Variants in KCNN2 observed in about 807,000 individuals in gnomAD.
KCNN2 encodes small conductance calcium-activated potassium channel protein 2.
KCNN2 carries 24 observed loss-of-function variants against 55.5 expected under a neutral mutation model. The ratio of observed to expected loss-of-function variants is 0.43; its 90% CI spans 0.31 to 0.61. The LOEUF is 0.61. Ranked by LOEUF, KCNN2 falls within the 20% of genes least tolerant of loss-of-function variation. The pLI, the probability that KCNN2 is intolerant of heterozygous loss-of-function variation, is 0.08. For synonymous variants in KCNN2, 431 were observed against 336.1 expected (o/e 1.28, Z -3.09); for missense variants, 754 against 853.6 (o/e 0.88, Z 1.45).
intron 2 of KCNN2, among the ~76,000 whole-genome samples, chr5:114,244,306 G>T (rs4308475): frequency 0.8 from 120,936 of 151,806 alleles, 48,539 homozygotes; most frequent in East Asian, 0.89. Context: ...TTTTTTGCTT[G>T]TTTATTTAAA....
intron 1 of KCNN2, among the ~76,000 whole-genome samples, chr5:114,155,033 C>G (rs560531793): frequency 6.6e-6 from 1 of 152,150 alleles, no homozygotes; most frequent in Non-Finnish European, 1.5e-5. Flanking sequence ...TCTGCTCCCT[C>G]CTCACACTCT....
chr5:114,298,788 C>G (rs181707380), intron 2 of KCNN2, among the ~76,000 whole-genome samples: 2 of 152,164 alleles, frequency 1.3e-5, no homozygotes. Flanking sequence ...TGTAAACTAA[C>G]AAGTAATAAT....
At chr5:114,326,122 G>T (rs1020964723) in intron 2 of KCNN2, among the ~76,000 whole-genome samples, 3 of 152,110 alleles carry the variant, frequency 2.0e-5, no homozygotes, top group African/African-American at 7.2e-5. Context: ...TGAAATTTGG[G>T]GATTGCAGGC....
At chr5:114,133,982 A>T (rs1304972620) in intron 1 of KCNN2, among the ~76,000 whole-genome samples, 2 of 152,232 alleles carry the variant, frequency 1.3e-5, no homozygotes, top group Admixed American at 6.5e-5. Flanking sequence ...TTGCCTAATT[A>T]TACAATTATA....
chr5:114,080,492 T>C (rs908492319), intron 1 of KCNN2, among the ~76,000 whole-genome samples: 2 of 152,214 alleles, frequency 1.3e-5, no homozygotes, highest in Non-Finnish European at 1.5e-5. Context: ...GCTATTCATG[T>C]TATCTGTTTC....
chr5:114,457,125 A>C (rs1314099396), intron 3 of KCNN2, among the ~76,000 whole-genome samples: 2 of 152,188 alleles, frequency 1.3e-5, no homozygotes, highest in African/African-American at 4.8e-5. Context: ...CTTTCCTGAA[A>C]GAAAGAGTCC....
At chr5:114,166,804 G>C (rs1280217895) in intron 1 of KCNN2, among the ~76,000 whole-genome samples, 1 of 152,096 alleles carries the variant, frequency 6.6e-6, no homozygotes, top group East Asian at 1.9e-4. Flanking sequence ...TTTTGGAGGT[G>C]ATTAGATCAT....
In KCNN2 at chr5:114,273,550, C is replaced by T. The variant is rs182032912; in HGVS notation, c.-185+51985C>T. Reference sequence around the variant, plus strand: ...GACTTTTTAATGATTGCCATTCTAACTGGCATGAGATGGTACCTCACTGAG... The same window carrying T: ...GACTTTTTAATGATTGCCATTCTAATTGGCATGAGATGGTACCTCACTGAG... On this transcript the variant is annotated intron_variant, in intron 2 of 10. Coordinates refer to the KCNN2 transcript ENST00000512097. 2.0e-5 allele frequency among the ~76,000 whole-genome samples: 3 copies of T among 152,294 alleles called. No homozygotes were observed. The East Asian group carries it at 5.8e-4, about 29-fold the overall frequency.
At chr5:114,274,983 C>T (rs3112758) in intron 2 of KCNN2, among the ~76,000 whole-genome samples, 6 of 152,046 alleles carry the variant, frequency 3.9e-5, no homozygotes, top group African/African-American at 1.5e-4. Flanking sequence ...TCATAAATAG[C>T]TCTTATTATT....
At chr5:114,273,662 G>C (rs1195217907) in intron 2 of KCNN2, among the ~76,000 whole-genome samples, 1 of 152,190 alleles carries the variant, frequency 6.6e-6, no homozygotes, top group Non-Finnish European at 1.5e-5. Context: ...TTTGAGAAGT[G>C]TCTGTTCATA....
upstream of KCNN2, among the ~76,000 whole-genome samples, chr5:114,360,775 G>A (rs867872582): frequency 6.6e-6 from 1 of 152,178 alleles, no homozygotes; most frequent in Admixed American, 6.5e-5. Flanking sequence ...CGTGGGCAGC[G>A]ACTATTCAGC....
At chr5:114,171,663 T>C (rs1271817067) in intron 1 of KCNN2, among the ~76,000 whole-genome samples, 1 of 119,548 alleles carries the variant, frequency 8.4e-6, no homozygotes, top group African/African-American at 2.9e-5. Flanking sequence ...TTCCAGAGCC[T>C]CGCTTTTCTT....
At chr5:114,163,899 T>G (rs981184895) in intron 1 of KCNN2, among the ~76,000 whole-genome samples, 1 of 145,554 alleles carries the variant, frequency 6.9e-6, no homozygotes, top group Non-Finnish European at 1.5e-5. Flanking sequence ...GCTGAGATAT[T>G]GATGAGAAAT....
intron 1 of KCNN2, among the ~76,000 whole-genome samples, chr5:114,129,960 TCACTCCCATCTC>T (rs1345895787): frequency 2.6e-5 from 4 of 152,242 alleles, no homozygotes; most frequent in Admixed American, 2.6e-4. Flanking sequence ...GCTAGAGGAG[TCACTCCCATCTC>T]TACTCTTGTT....
intron 2 of KCNN2, among the ~76,000 whole-genome samples, chr5:114,234,273 T>C (rs1247277773): frequency 1.3e-5 from 2 of 152,182 alleles, no homozygotes; most frequent in Non-Finnish European, 2.9e-5. Flanking sequence ...TTTTTTTCTG[T>C]CTCTCATCCT....
chr5:114,167,377 C>A (rs1248534007), intron 1 of KCNN2, among the ~76,000 whole-genome samples: 1 of 152,108 alleles, frequency 6.6e-6, no homozygotes, highest in Non-Finnish European at 1.5e-5. Context: ...GTTTTTTAAA[C>A]TTCTCTCTCC....
intron 2 of KCNN2, among the ~76,000 whole-genome samples, chr5:114,396,612 G>T (rs1364329868): frequency 1.3e-5 from 2 of 150,374 alleles, no homozygotes; most frequent in Non-Finnish European, 3.0e-5. Flanking sequence ...GCACTGGCGC[G>T]ATCTCGACTC....
At chr5:114,110,921 A>G (rs546804036) in intron 1 of KCNN2, among the ~76,000 whole-genome samples, 2 of 152,100 alleles carry the variant, frequency 1.3e-5, no homozygotes, top group African/African-American at 2.4e-5. Context: ...TAAAAAATGC[A>G]CATTATTCCT....
At chr5:114,495,517 C>T (rs546787520) in intron 7 of KCNN2, among the ~76,000 whole-genome samples, 4 of 152,092 alleles carry the variant, frequency 2.6e-5, no homozygotes, top group Admixed American at 1.3e-4. Context: ...TAAAAATTAC[C>T]CTTGCCCTAA....
Sources: allele counts gnomAD v4.1 joint callset (sites outside exome capture counted in the v4.1 genomes callset), GRCh38; gene constraint gnomAD v4.1.1; transcripts MANE v1.5; gene names NCBI Gene and HGNC (gene_info 2026-07-23, HGNC 2026-07-21).